Variants in L1CAM observed in about 807,000 individuals in gnomAD.
L1CAM encodes the protein L1 cell adhesion molecule.
L1CAM carries 8 observed loss-of-function variants against 93.0 expected under a neutral mutation model. The observed-to-expected ratio is 0.09, with a 90% CI of 0.05 to 0.16. The LOEUF (loss-of-function observed/expected upper bound fraction) is 0.16. Among genes scored for constraint, L1CAM ranks in the 10% least tolerant of loss-of-function variants. The probability of loss-of-function intolerance (pLI) is 1.00; values close to 1 mark genes in which losing one functional copy is unlikely to be tolerated. For missense variants in L1CAM, 777 were observed against 1,073.4 expected, an observed-to-expected ratio of 0.72 and a Z score of 3.86; for synonymous variants, 453 against 453.0, an observed-to-expected ratio of 1.00 and a Z score of 0.00.
intron 5 of L1CAM, among the ~76,000 whole-genome samples, chrX:153,871,881 C>A (rs1359833552): frequency 2.8e-5 from 3 of 105,313 alleles, no homozygotes; most frequent in Non-Finnish European, 5.9e-5. Context: ...CCCCCCGCCA[C>A]CTTCCTGCTC....
intron 1 of L1CAM, among the ~76,000 whole-genome samples, chrX:153,883,472 G>A (rs782145639): frequency 9.0e-6 from 1 of 111,689 alleles, no homozygotes; most frequent in Non-Finnish European, 1.9e-5. Context: ...GGAGGTGTCC[G>A]AGATGGGCCA....
rs781979227 is a variant in L1CAM at position 153,864,905 on chromosome X, G to T, written c.2962C>A (p.Arg988=). Residue 988 remains arginine, a synonymous_variant, in exon 23 of 29, where the codon CGG becomes AGG. Transcript: ENST00000370060. The part of the protein sequence containing the change: ...HNLTDLSPHL[R]YRFQLQATTK... ...GTGGCCTGAAGCTGGAAGCGGTACCGCAGGTGGGGGCTGAGATCGGTCAGG... is the reference window on the plus strand; with the variant it reads ...GTGGCCTGAAGCTGGAAGCGGTACCTCAGGTGGGGGCTGAGATCGGTCAGG... 8.2e-7 allele frequency: 1 copy of T among 1,212,236 alleles called. No homozygotes were observed. Among genetic ancestry groups the T allele is most frequent in the Non-Finnish European group, 1.1e-6 (1 of 895,500 alleles).
intron 1 of L1CAM, among the ~76,000 whole-genome samples, chrX:153,879,446 T>C (rs1363719412): frequency 1.2e-5 from 1 of 85,928 alleles, no homozygotes; most frequent in Non-Finnish European, 2.2e-5. Context: ...CACGTGCGCG[T>C]GCGCGCAGGC....
At chrX:153,883,344 C>T (rs1231212912) in intron 1 of L1CAM, among the ~76,000 whole-genome samples, 1 of 109,683 alleles carries the variant, frequency 9.1e-6, no homozygotes, top group Non-Finnish European at 1.9e-5. Flanking sequence ...CACCCCATCC[C>T]CGGCAGCAGC....
At chrX:153,871,264 G>T in intron 5 of L1CAM, 85 bp from the exon 6 acceptor site, 1 of 841,987 alleles carries the variant, frequency 1.2e-6, no homozygotes, top group East Asian at 3.4e-5. Flanking sequence ...GGGGGGTGGC[G>T]GGCTACACCA....
chrX:153,876,653 C>T (rs2064815592), intron 1 of L1CAM, among the ~76,000 whole-genome samples: 1 of 112,094 alleles, frequency 8.9e-6, no homozygotes, highest in Admixed American at 9.4e-5. Context: ...AGGAAAGGGG[C>T]CCAAGATGGC....
Position 153,865,002 on chromosome X carries a change from G to A in L1CAM, c.2873-8C>T, listed in dbSNP as rs782606921. On this transcript the variant is annotated splice_polypyrimidine_tract_variant and splice_region_variant and intron_variant, in intron 22 of 28. Coordinates refer to ENST00000370060, the MANE Select transcript of L1CAM (RefSeq NM_001278116.2). Reference sequence around the variant, plus strand: ...CCTTGCCCCCCTCATCCACTGTGGGGACAGACAGGGGTTGGCTGTGGCTGC... The same window carrying A: ...CCTTGCCCCCCTCATCCACTGTGGGAACAGACAGGGGTTGGCTGTGGCTGC... 1 of 1,212,203 alleles carries A rather than the reference G, an allele frequency of 8.2e-7. No individual in the cohort carries two copies. Among genetic ancestry groups the A allele is most frequent in the East Asian group, 3.0e-5 (1 of 33,852 alleles).
intron 15 of L1CAM, 25 bp from the exon 16 acceptor site, chrX:153,867,935 T>C: frequency 8.3e-7 from 1 of 1,209,594 alleles, no homozygotes; most frequent in Non-Finnish European, 1.1e-6. Context: ...GGTCGGTGCT[T>C]GAAAGGGCCC....
At chrX:153,883,840 C>A (rs191610458) in intron 1 of L1CAM, 238 of 342,088 alleles carry the variant, frequency 7.0e-4, no homozygotes, top group African/African-American at 5.7e-3. Context: ...ACCCTCACAC[C>A]CAGAAAAGCA....
chrX:153,867,469 G>A lies in L1CAM; in HGVS notation c.2024C>T (p.Thr675Ile). Reference sequence around the variant, plus strand: ...GACATAGGGCGACAGCTTGAGGGTGGTAGAGGTCTGGTTCCCTGGAACCTT... The same window carrying A: ...GACATAGGGCGACAGCTTGAGGGTGATAGAGGTCTGGTTCCCTGGAACCTT... ...LGKVPGNQTSTTLKLSPYVHY... is the reference protein window; with the variant it reads ...LGKVPGNQTSITLKLSPYVHY... Residue 675 changes from threonine to isoleucine, a missense_variant, in exon 17 of 29, where the codon ACC becomes ATC. This residue lies in a region of L1CAM where 574 missense variants were observed against 781.0 expected (regional missense o/e 0.73). Coordinates refer to ENST00000370060, the MANE Select transcript of L1CAM (RefSeq NM_001278116.2). 8.3e-7 allele frequency: 1 copy of A among 1,209,124 alleles called. No individual in the cohort carries two copies.
chrX:153,867,718 G>C, intron 16 of L1CAM, 82 bp downstream of exon 16: 1 of 1,003,449 alleles, frequency 1.0e-6, no homozygotes, highest in Non-Finnish European at 1.4e-6. Context: ...CCCCAGGAAG[G>C]CTCCAGGAGG....
chrX:153,862,934 G>T, intron 28 of L1CAM, 40 bp from the exon 29 acceptor site: 1 of 1,080,194 alleles, frequency 9.3e-7, no homozygotes, highest in Non-Finnish European at 1.3e-6. Flanking sequence ...GAGCACTGCC[G>T]AGCCCCTGCA....
intron 5 of L1CAM, among the ~76,000 whole-genome samples, chrX:153,871,491 G>T (rs2064769497): frequency 9.1e-6 from 1 of 109,696 alleles, no homozygotes; most frequent in South Asian, 4.0e-4. Context: ...TGAGGCTGAG[G>T]TGCAGTGATG....
chrX:153,880,109 G>A (rs911360523), intron 1 of L1CAM, among the ~76,000 whole-genome samples: 3 of 111,839 alleles, frequency 2.7e-5, no homozygotes, highest in Admixed American at 1.9e-4. Flanking sequence ...CACTACACCC[G>A]CAGGTCCCTC....
At chrX:153,864,276 C>G in intron 25 of L1CAM, 46 bp downstream of exon 25, 1 of 1,188,525 alleles carries the variant, frequency 8.4e-7, no homozygotes. Flanking sequence ...AATTGTGCAG[C>G]CCCCATGCTT....
Position 153,862,126 on chromosome X carries a change from C to A in L1CAM, c.*537G>T. ...ATGCTGGGAGTGGGGGGACTCTGGG[C>A]TCTCCAGATGGCCTCCCCTGCCCCC... On this transcript the variant is annotated 3_prime_UTR_variant, in exon 29 of 29. Coordinates refer to ENST00000370060, the MANE Select transcript of L1CAM (RefSeq NM_001278116.2). The A allele has an allele frequency of 8.7e-6, 1 of 115,430 alleles. No individual in the cohort carries two copies. Among genetic ancestry groups the A allele is most frequent in the East Asian group, 2.7e-4 (1 of 3,650 alleles). The allele number at this position is 115,430 out of a possible 1,213,427, so 9.5% of individuals were successfully genotyped here.
chrX:153,872,284 G>T lies in L1CAM; in HGVS notation c.268C>A (p.Pro90Thr), dbSNP rs2064778040. ...EELGVTVYQS[P>T]HSGSFTITGN... The stretch of plus-strand genomic sequence containing the variant: ...GTGATGGTGAAGGAGCCAGAGTGGG[G>T]CGACTGGTACACGGTCACACCCAGC... Residue 90 changes from proline to threonine, a missense_variant, in exon 5 of 29, where the codon CCC (proline) becomes ACC (threonine). By Grantham distance (38) the Pro-to-Thr change is conservative (BLOSUM62 -1). Coordinates refer to ENST00000370060, the MANE Select transcript of L1CAM (RefSeq NM_001278116.2). 8 of 1,208,117 alleles carry T rather than the reference G, an allele frequency of 6.6e-6. No individual in the cohort carries two copies. The highest frequency in any genetic ancestry group is 7.8e-6 in the Non-Finnish European group (7 of 894,378).
At position 153,864,619 on chromosome X, in the gene L1CAM, G is replaced by A. The variant is rs2148493420; in HGVS notation, c.3132C>T (p.Asn1044=). The change falls in exon 24 of 29, where the codon AAC becomes AAT. Residue 1044 remains asparagine, a synonymous_variant. Transcript: ENST00000370060. ...VSWVPKEGQC[N]FRFHILFKAL... ...CTTTGAACAAGATATGGAACCTGAA[G>A]TTGCACTGGCCCTCCTTGGGGACCC... 1 of 1,210,875 alleles carries A rather than the reference G, an allele frequency of 8.3e-7. No individual in the cohort carries two copies. Among genetic ancestry groups the A allele is most frequent in the South Asian group, 1.8e-5 (1 of 56,965 alleles).
Position 153,865,465 on chromosome X carries a change from G to C in L1CAM, c.2583C>G (p.His861Gln), listed in dbSNP as rs185418119. 2.0e-4 allele frequency: 237 copies of C among 1,209,901 alleles called. 1 individual carries two copies. Among genetic ancestry groups the C allele is most frequent in the Non-Finnish European group, 5.1e-5 (46 of 895,001 alleles). Residue 861 changes from histidine to glutamine, a missense_variant, in exon 21 of 29, where the codon CAC (histidine) becomes CAG (glutamine). By Grantham distance (24) the His-to-Gln change is conservative. Coordinates refer to ENST00000370060, the MANE Select transcript of L1CAM (RefSeq NM_001278116.2). ...TYWREGSQRKHSKRHIHKDHV... is the reference protein window; with the variant it reads ...TYWREGSQRKQSKRHIHKDHV... ...GGTCTTTGTGGATATGTCTCTTGCT[G>C]TGCTTCCTCTGACTGCCCTCCCTCC... is the stretch of plus-strand genomic sequence containing the variant.
Sources: gnomAD v4.1 joint callset for allele counts (sites outside exome capture counted in the v4.1 genomes callset) on GRCh38, gnomAD v4.1.1 for gene constraint, gnomAD v4.1.1 regional missense constraint, MANE v1.5 for transcripts, NCBI Gene and HGNC (gene_info 2026-07-23, HGNC 2026-07-21) for gene names.